Variants in CACNB4 observed in about 807,000 individuals in gnomAD.
CACNB4 encodes calcium voltage-gated channel auxiliary subunit beta 4.
CACNB4 carries 32 observed loss-of-function variants against 71.2 expected under a neutral mutation model. The observed-to-expected ratio is 0.45, with a 90% CI of 0.34 to 0.60. The LOEUF is 0.60. Among genes scored for constraint, CACNB4 ranks in the 20% least tolerant of loss-of-function variants. The probability of loss-of-function intolerance (pLI) is 0.01; values close to 1 mark genes in which losing one functional copy is unlikely to be tolerated. For missense variants in CACNB4, 464 were observed against 647.9 expected (o/e 0.72, Z 3.08); for synonymous variants, 231 against 236.9 (o/e 0.97, Z 0.23).
At chr2:152,032,566 T>C (rs1684343749) in intron 2 of CACNB4, among the ~76,000 whole-genome samples, 1 of 152,220 alleles carries the variant, frequency 6.6e-6, no homozygotes, top group African/African-American at 2.4e-5. Flanking sequence ...TAATACAACT[T>C]TATTTTTAAT....
chr2:151,904,021 A>G (rs1423593172), intron 2 of CACNB4, among the ~76,000 whole-genome samples: 1 of 152,344 alleles, frequency 6.6e-6, no homozygotes, highest in East Asian at 1.9e-4. Flanking sequence ...GATGGGACTC[A>G]TATTTCTTTG....
intron 2 of CACNB4, among the ~76,000 whole-genome samples, chr2:151,896,089 G>A (rs1229883245): frequency 2.0e-5 from 3 of 152,004 alleles, no homozygotes; most frequent in Non-Finnish European, 4.4e-5. Context: ...CAGGTGATTC[G>A]CCTGCCTTGG....
chr2:152,058,261 T>C (rs183330521), intron 2 of CACNB4, among the ~76,000 whole-genome samples: 6 of 152,216 alleles, frequency 3.9e-5, no homozygotes, highest in Admixed American at 6.5e-5. Flanking sequence ...ATACAGTAAA[T>C]TGGTACCGCA....
intron 2 of CACNB4, among the ~76,000 whole-genome samples, chr2:152,038,529 G>A (rs1056701614): frequency 5.3e-5 from 8 of 152,234 alleles, no homozygotes; most frequent in Admixed American, 2.6e-4. Context: ...AGATGGAAGA[G>A]GATAGGTGTG....
At chr2:151,964,022 T>C (rs2099870338) in intron 2 of CACNB4, among the ~76,000 whole-genome samples, 1 of 137,910 alleles carries the variant, frequency 7.3e-6, no homozygotes, top group African/African-American at 2.8e-5. Flanking sequence ...CGAGCCAAGA[T>C]CGTGCCACTG....
intron 2 of CACNB4, chr2:151,969,852 A>G (rs1015331927): frequency 6.6e-6 from 1 of 152,240 alleles, no homozygotes; most frequent in Non-Finnish European, 1.5e-5. Context: ...ACTTTTACAT[A>G]CATAAAATTT....
chr2:152,089,053 T>A (rs530827675), intron 2 of CACNB4, among the ~76,000 whole-genome samples: 1 of 152,336 alleles, frequency 6.6e-6, no homozygotes, highest in East Asian at 1.9e-4. Context: ...CTACTTACAG[T>A]CCTACCTCCC....
Position 152,098,791 on chromosome 2 carries a change from G to A in CACNB4, c.63+158C>T, listed in dbSNP as rs373794777. On this transcript the variant is annotated intron_variant, in intron 1 of 13. Transcript: ENST00000539935. This position sits in a 1 kb window ranked among gnomAD's most constrained non-coding sequence, Gnocchi z 5.3. Reference sequence around the variant, plus strand: ...GGAGGAGAAAGAGGAGGAGCGGGAGGAGAAAGGGACGTGGAGGAGGGGTGG... The same window carrying A: ...GGAGGAGAAAGAGGAGGAGCGGGAGAAGAAAGGGACGTGGAGGAGGGGTGG... 13 of 1,048,496 alleles carry A rather than the reference G, an allele frequency of 1.2e-5. 1 individual carries two copies. The South Asian group carries it at 1.9e-4, about 15-fold the overall frequency. The allele number at this position is 1,048,496 out of a possible 1,614,324, so 64.9% of individuals were successfully genotyped here. A position where few individuals can be genotyped will look rare whatever the true frequency, so the allele number is the denominator to read the frequency against.
Position 151,841,932 on chromosome 2 carries a change from G to T in CACNB4, c.1273C>A (p.Pro425Thr). 6.2e-7 allele frequency: 1 copy of T among 1,613,902 alleles called. No individual in the cohort carries two copies. The highest frequency in any genetic ancestry group is 8.5e-7 in the Non-Finnish European group (1 of 1,179,854). The change falls in exon 13 of 14, where the codon CCA (proline) becomes ACA (threonine). Residue 425 changes from proline to threonine, a missense_variant. This residue lies in a region of CACNB4 where 115 missense variants were observed against 128.8 expected (regional missense o/e 0.89). Coordinates refer to ENST00000539935, the MANE Select transcript of CACNB4 (RefSeq NM_000726.5). ...AACCCAGAAATTGCTGTGGGATATG[G>T]TGAGAGTGCCGTGGAGCCCAAATTC... is the stretch of plus-strand genomic sequence containing the variant. ...GRNLGSTALSPYPTAISGLQS... is the reference protein window; with the variant it reads ...GRNLGSTALSTYPTAISGLQS...
At chr2:151,997,243 A>T (rs1384319954) in intron 2 of CACNB4, among the ~76,000 whole-genome samples, 1 of 152,124 alleles carries the variant, frequency 6.6e-6, no homozygotes, top group Non-Finnish European at 1.5e-5. Flanking sequence ...TCCTTATAAG[A>T]GACAAAGGGG....
In CACNB4 at chr2:152,024,280, G is replaced by A. The variant is rs147433009; in HGVS notation, c.147+74050C>T. On this transcript the variant is annotated intron_variant, in intron 2 of 13. Transcript: ENST00000539935. ...TAAGGTTGCAGTGAGCTATGAATGC[G>A]TGCCACTGTACCTCTGTGCCTGGGC... 1.8e-3 allele frequency among the ~76,000 whole-genome samples: 269 copies of A among 152,332 alleles called. 1 individual carries two copies. The highest frequency in any genetic ancestry group is 6.2e-3 in the African/African-American group (258 of 41,574).
intron 2 of CACNB4, among the ~76,000 whole-genome samples, chr2:152,046,189 T>C (rs1276097163): frequency 2.0e-5 from 3 of 152,224 alleles, no homozygotes; most frequent in South Asian, 2.1e-4. Flanking sequence ...TATATTTTTA[T>C]ATCATATGGA....
chr2:151,857,724 G>A (rs1157631098), intron 10 of CACNB4: 1 of 152,224 alleles, frequency 6.6e-6, no homozygotes, highest in Non-Finnish European at 1.5e-5. Context: ...GAAAGACATT[G>A]ATGTGAACTG....
chr2:151,881,137 C>A (rs1249213088), intron 3 of CACNB4, among the ~76,000 whole-genome samples: 3 of 152,128 alleles, frequency 2.0e-5, no homozygotes, highest in Non-Finnish European at 4.4e-5. Context: ...TCCTGCAATA[C>A]TTTCCAATAT....
At chr2:151,947,382 G>C (rs936911623) in intron 2 of CACNB4, among the ~76,000 whole-genome samples, 3 of 152,176 alleles carry the variant, frequency 2.0e-5, no homozygotes, top group Non-Finnish European at 2.9e-5. Flanking sequence ...GCTCCCTGCT[G>C]CCCCTAGCGG....
intron 2 of CACNB4, among the ~76,000 whole-genome samples, chr2:152,044,104 T>C (rs1293161733): frequency 6.6e-6 from 1 of 152,170 alleles, no homozygotes; most frequent in African/African-American, 2.4e-5. Context: ...CCAACTAAAT[T>C]ACTGATGTAA....
At chr2:151,879,816 T>C (rs1250091160) in intron 4 of CACNB4, 1 of 152,156 alleles carries the variant, frequency 6.6e-6, no homozygotes, top group Non-Finnish European at 1.5e-5. Context: ...CCAGGACAAA[T>C]TGAGACCTTG....
intron 2 of CACNB4, among the ~76,000 whole-genome samples, chr2:151,950,230 C>G (rs2099866600): frequency 6.6e-6 from 1 of 152,008 alleles, no homozygotes; most frequent in African/African-American, 2.4e-5. Context: ...CCTACACATA[C>G]AGAGCCATAT....
intron 12 of CACNB4, among the ~76,000 whole-genome samples, chr2:151,846,703 C>A (rs1424925343): frequency 6.6e-6 from 1 of 152,004 alleles, no homozygotes; most frequent in Non-Finnish European, 1.5e-5. Flanking sequence ...CAGATATGCA[C>A]CACCACATCC....
Sources: gnomAD v4.1 joint callset for allele counts (sites outside exome capture counted in the v4.1 genomes callset) on GRCh38, gnomAD v4.1.1 for gene constraint, gnomAD v4.1.1 regional missense constraint, Gnocchi (gnomAD v3.1) non-coding constraint, MANE v1.5 for transcripts, NCBI Gene and HGNC (gene_info 2026-07-23, HGNC 2026-07-21) for gene names.